The following ADGRG5 variants were observed in gnomAD, a reference collection of about 807,000 sequenced individuals.
ADGRG5 encodes the protein G protein-coupled receptor 114.
ADGRG5 carries 37 observed loss-of-function variants against 53.2 expected under a neutral mutation model. That is an observed-to-expected ratio of 0.70 (90% confidence interval 0.53 to 0.91). The LOEUF is 0.91. ADGRG5 is among the 40% of genes least tolerant of loss of function. The pLI, the probability that ADGRG5 is intolerant of heterozygous loss-of-function variation, is 0.00. For missense variants in ADGRG5, 614 were observed against 675.8 expected, an observed-to-expected ratio of 0.91 and a Z score of 1.01; for synonymous variants, 277 against 290.4, an observed-to-expected ratio of 0.95 and a Z score of 0.47.
chr16:57,543,597 T>C (rs2032543888), intron 1 of ADGRG5, among the ~76,000 whole-genome samples: 1 of 152,174 alleles, frequency 6.6e-6, no homozygotes, highest in South Asian at 2.1e-4. Context: ...AGTGCTTTTT[T>C]GCAGAGACCA....
At position 57,574,917 on chromosome 16, in the gene ADGRG5, C is replaced by T; in HGVS notation, c.1311C>T (p.Thr437=). ...TGGTGCTGGCCTGGGCGCTGTGGAC[C>T]CTGCGCAGGCTGCGGGAGCGGGCGG... ...NLVVLAWALW[T]LRRLRERADA... is the part of the protein sequence containing the mutation. The change falls in exon 11 of 12, where the codon ACC becomes ACT. Residue 437 remains threonine (T), a synonymous_variant. Transcript: ENST00000349457. The surrounding 1 kb of genome is among the most constrained non-coding windows in gnomAD (Gnocchi z 4.4). 8 of 1,613,082 alleles carry T rather than the reference C, an allele frequency of 5.0e-6. No homozygotes were observed. Among genetic ancestry groups the T allele is most frequent in the Non-Finnish European group, 5.9e-6 (7 of 1,179,966 alleles).
chr16:57,544,245 C>T (rs2032563855), intron 1 of ADGRG5, among the ~76,000 whole-genome samples: 1 of 152,108 alleles, frequency 6.6e-6, no homozygotes, highest in African/African-American at 2.4e-5. Context: ...TTCGGTTTCC[C>T]CACCATCAAC....
At chr16:57,558,822 C>T (rs2032937077) in intron 1 of ADGRG5, among the ~76,000 whole-genome samples, 1 of 150,850 alleles carries the variant, frequency 6.6e-6, no homozygotes, top group African/African-American at 2.4e-5. Context: ...CTCTTCCTTG[C>T]CAGTGTCCAG....
intron 1 of ADGRG5, among the ~76,000 whole-genome samples, chr16:57,543,453 T>G (rs1385231554): frequency 6.6e-6 from 1 of 151,954 alleles, no homozygotes; most frequent in Non-Finnish European, 1.5e-5. Flanking sequence ...TGGCTAATTT[T>G]CGTAATTTTA....
intron 1 of ADGRG5, among the ~76,000 whole-genome samples, chr16:57,545,289 A>G (rs2032590114): frequency 6.6e-6 from 1 of 152,372 alleles, no homozygotes; most frequent in South Asian, 2.1e-4. Context: ...AATTGGATTT[A>G]TATCTCCCAG....
At chr16:57,530,504 C>T in the ADGRG5 span, among the ~76,000 whole-genome samples, 1 of 152,180 alleles carries the variant, frequency 6.6e-6, no homozygotes, top group Non-Finnish European at 1.5e-5. Context: ...TCGGCACTGG[C>T]TGTCCCCAAG....
intron 1 of ADGRG5, among the ~76,000 whole-genome samples, chr16:57,558,191 A>G (rs1445586715): frequency 6.6e-5 from 10 of 151,784 alleles, no homozygotes; most frequent in African/African-American, 2.2e-4. Context: ...CCAATCTTGA[A>G]CTCTTGGGCT....
chr16:57,529,974 C>T, the ADGRG5 span, among the ~76,000 whole-genome samples: 3 of 152,302 alleles, frequency 2.0e-5, no homozygotes, highest in East Asian at 5.8e-4. This position sits in a 1 kb window ranked among gnomAD's most constrained non-coding sequence, Gnocchi z 4.1. Context: ...TTTAGGTGAA[C>T]GATCTCATTT....
chr16:57,560,603 C>A (rs1222300695), intron 1 of ADGRG5, among the ~76,000 whole-genome samples: 1 of 152,112 alleles, frequency 6.6e-6, no homozygotes, highest in Non-Finnish European at 1.5e-5. Context: ...GGGGATATTG[C>A]TTAATTCCCC....
At chr16:57,568,314 C>T (rs1314059714) in intron 9 of ADGRG5, among the ~76,000 whole-genome samples, 190 bp downstream of exon 9, 3 of 152,012 alleles carry the variant, frequency 2.0e-5, no homozygotes, top group Non-Finnish European at 2.9e-5. Flanking sequence ...CCTCCATCAT[C>T]ATCATCGTCA....
intron 9 of ADGRG5, among the ~76,000 whole-genome samples, chr16:57,568,581 C>T (rs1460118103): frequency 6.6e-6 from 1 of 151,744 alleles, no homozygotes; most frequent in Non-Finnish European, 1.5e-5. Flanking sequence ...CCATCACCAC[C>T]TCCTCCACCA....
chr16:57,570,923 G>A (rs549730552), intron 10 of ADGRG5, among the ~76,000 whole-genome samples: 10 of 152,198 alleles, frequency 6.6e-5, no homozygotes, highest in Middle Eastern at 3.4e-3. Flanking sequence ...AACTCCTCCC[G>A]ACCTGCCCTG....
chr16:57,575,045 T>A lies in ADGRG5; in HGVS notation c.1439T>A (p.Phe480Tyr). Residue 480 changes from phenylalanine (F) to tyrosine (Y), a missense_variant, in exon 11 of 12, where the codon TTC becomes TAC. Phe to Tyr is a conservative substitution (Grantham distance 22). Transcript: ENST00000349457. The stretch of plus-strand genomic sequence containing the variant: ...TTGGCCTTCTTTTCTTTTGGCGTCT[T>A]CCTGCTGCCCCAGCTGTTCCTCTTC... ...WALAFFSFGV[F>Y]LLPQLFLFTI... 6.2e-7 allele frequency: 1 copy of A among 1,613,980 alleles called. No homozygotes were observed. Among genetic ancestry groups the A allele is most frequent in the Middle Eastern group, 1.7e-4 (1 of 6,060 alleles).
Position 57,574,957 on chromosome 16 carries a change from A to G in ADGRG5, c.1351A>G (p.Arg451Gly). ...GGAGCGGGCGGATGCACCAAGTGTC[A>G]GGGCCTGCCATGACACTGTCACTGT... ...LRERADAPSVRACHDTVTVLG... is the reference protein window; with the variant it reads ...LRERADAPSVGACHDTVTVLG... Residue 451 changes from arginine (R) to glycine (G), a missense_variant, in exon 11 of 12, where the codon AGG (arginine) becomes GGG (glycine). Arg to Gly is a moderately radical substitution (Grantham distance 125). Transcript: ENST00000349457. This position sits in a 1 kb window ranked among gnomAD's most constrained non-coding sequence, Gnocchi z 4.4. 6.2e-7 allele frequency: 1 copy of G among 1,613,674 alleles called. No individual in the cohort carries two copies. Among genetic ancestry groups the G allele is most frequent in the Non-Finnish European group, 8.5e-7 (1 of 1,179,998 alleles).
the ADGRG5 span, among the ~76,000 whole-genome samples, chr16:57,536,024 G>T: frequency 6.6e-6 from 1 of 152,188 alleles, no homozygotes; most frequent in Non-Finnish European, 1.5e-5. Flanking sequence ...GCGGAGGGTG[G>T]AGGGGGTTCC....
intron 9 of ADGRG5, among the ~76,000 whole-genome samples, chr16:57,568,373 C>A (rs2033206782): frequency 6.6e-6 from 1 of 151,140 alleles, no homozygotes; most frequent in Admixed American, 6.6e-5. Flanking sequence ...ATCACCATCA[C>A]CTCCTCCACC....
intron 10 of ADGRG5, among the ~76,000 whole-genome samples, chr16:57,573,753 G>A (rs973488602): frequency 6.6e-6 from 1 of 152,160 alleles, no homozygotes; most frequent in Non-Finnish European, 1.5e-5. Context: ...ATGGAATCTC[G>A]CTCTGTCACC....
At chr16:57,573,512 A>T (rs538391495) in intron 10 of ADGRG5, among the ~76,000 whole-genome samples, 41 of 152,112 alleles carry the variant, frequency 2.7e-4, no homozygotes, top group African/African-American at 9.6e-4. Context: ...AGTACACGCT[A>T]CAGTGTGGGA....
chr16:57,567,748 GC>G, intron 8 of ADGRG5, 107 bp from the exon 9 acceptor site: 1 of 1,436,064 alleles, frequency 7.0e-7, no homozygotes, highest in Non-Finnish European at 9.4e-7. Flanking sequence ...TGGGATCCCT[GC>G]CCCTTCTTCG....
Sources: allele counts gnomAD v4.1 joint callset (sites outside exome capture counted in the v4.1 genomes callset), GRCh38; gene constraint gnomAD v4.1.1; non-coding constraint Gnocchi (gnomAD v3.1); transcripts MANE v1.5; gene names NCBI Gene and HGNC (gene_info 2026-07-23, HGNC 2026-07-21).